Variants in GRID2 observed in about 807,000 individuals in gnomAD.
GRID2 encodes glutamate receptor ionotropic, delta-2.
In GRID2, 33 loss-of-function variants were observed where a neutral mutation model predicts 114.8. The ratio of observed to expected loss-of-function variants is 0.29; its 90% confidence interval spans 0.22 to 0.38. GRID2 has a LOEUF of 0.38. Ranked by LOEUF, GRID2 falls within the 10% of genes least tolerant of loss-of-function variation. The pLI, the probability that GRID2 is intolerant of heterozygous loss-of-function variation, is 1.00. For synonymous variants in GRID2, 505 were observed against 449.9 expected (o/e 1.12, Z -1.55); for missense variants, 1,184 against 1,257.7 (o/e 0.94, Z 0.89).
At chr4:93,183,591 C>T (rs1006552035) in intron 4 of GRID2, among the ~76,000 whole-genome samples, 2 of 152,154 alleles carry the variant, frequency 1.3e-5, no homozygotes, top group Non-Finnish European at 2.9e-5. Context: ...TACTTAATTA[C>T]TGCCAGACAT....
At chr4:92,863,441 G>C (rs1040449965) in intron 2 of GRID2, among the ~76,000 whole-genome samples, 1 of 151,968 alleles carries the variant, frequency 6.6e-6, no homozygotes, top group Non-Finnish European at 1.5e-5. Flanking sequence ...TATAAATTCA[G>C]GCAACTAGAA....
At chr4:92,535,991 A>AG (rs1725603418) in intron 1 of GRID2, among the ~76,000 whole-genome samples, 1 of 152,156 alleles carries the variant, frequency 6.6e-6, no homozygotes, top group South Asian at 2.1e-4. Flanking sequence ...TGAGTGTTAT[A>AG]GCTCATTGTT....
intron 1 of GRID2, among the ~76,000 whole-genome samples, chr4:92,401,229 T>C (rs1730774715): frequency 6.6e-6 from 1 of 152,180 alleles, no homozygotes; most frequent in Non-Finnish European, 1.5e-5. Context: ...TTAACATTTC[T>C]TTCCTCAAAG....
chr4:93,279,710 T>C (rs945871152), intron 8 of GRID2, among the ~76,000 whole-genome samples: 1 of 152,010 alleles, frequency 6.6e-6, no homozygotes, highest in African/African-American at 2.4e-5. Context: ...TTTTTTTATA[T>C]ATCTTCAGAA....
chr4:92,756,648 ATATTT>A (rs1452950067), intron 2 of GRID2, among the ~76,000 whole-genome samples: 1 of 151,910 alleles, frequency 6.6e-6, no homozygotes, highest in East Asian at 1.9e-4. Context: ...GGGTAAGATG[ATATTT>A]TATTTTGGTT....
chr4:93,111,821 C>T (rs1208097224), intron 4 of GRID2: 1 of 138,832 alleles, frequency 7.2e-6, no homozygotes, highest in African/African-American at 2.7e-5. Context: ...TATAAAGATT[C>T]CAAATTAGGA....
chr4:93,384,843 G>A (rs188000679), intron 8 of GRID2, among the ~76,000 whole-genome samples: 190 of 152,194 alleles, frequency 1.2e-3, no homozygotes, highest in African/African-American at 4.4e-3. Flanking sequence ...TATGGTTATA[G>A]CTAAGAGTTG....
intron 2 of GRID2, among the ~76,000 whole-genome samples, chr4:92,703,960 C>T (rs996499794): frequency 1.5e-4 from 23 of 152,004 alleles, no homozygotes; most frequent in Non-Finnish European, 4.4e-5. Context: ...TTAAATACTT[C>T]GTAGATGTTT....
intron 1 of GRID2, among the ~76,000 whole-genome samples, chr4:92,495,442 T>C (rs1442060109): frequency 6.6e-6 from 1 of 152,008 alleles, no homozygotes; most frequent in African/African-American, 2.4e-5. Flanking sequence ...TTTAGGTGGC[T>C]AAGAGGATCA....
chr4:92,311,633 G>T (rs534218088), intron 1 of GRID2, among the ~76,000 whole-genome samples: 2 of 152,004 alleles, frequency 1.3e-5, no homozygotes, highest in Non-Finnish European at 2.9e-5. Context: ...ATTGAGCAGA[G>T]TACCTGATTT....
intron 1 of GRID2, among the ~76,000 whole-genome samples, chr4:92,372,540 A>G (rs887652700): frequency 6.6e-6 from 1 of 152,300 alleles, no homozygotes; most frequent in East Asian, 1.9e-4. Context: ...ATTGTTTTAG[A>G]CATAATGCTA....
chr4:93,343,680 A>G (rs201009338), intron 8 of GRID2, among the ~76,000 whole-genome samples: 1 of 151,696 alleles, frequency 6.6e-6, no homozygotes, highest in Admixed American at 6.6e-5. Flanking sequence ...CATCAAAAAA[A>G]TTTTTTTAAA....
intron 9 of GRID2, among the ~76,000 whole-genome samples, chr4:93,397,053 AT>A (rs1765399231): frequency 6.6e-6 from 1 of 151,992 alleles, no homozygotes; most frequent in Non-Finnish European, 1.5e-5. Context: ...TGCTAATTGG[AT>A]GTTCATCAAA....
In GRID2 at chr4:92,367,247, T is replaced by C. The variant is rs376732045; in HGVS notation, c.88+62503T>C. On this transcript the variant is annotated intron_variant, in intron 1 of 15. Coordinates refer to ENST00000282020, the MANE Select transcript of GRID2 (RefSeq NM_001510.4). ...TTGGCAAATGGTGATCTTCTAATCC[T>C]ATAAGCCTTGCTACACATGTTAGTT... 2.6e-4 allele frequency among the ~76,000 whole-genome samples: 39 copies of C among 152,222 alleles called. No individual in the cohort carries two copies. In the East Asian group the frequency reaches 3.9e-3, roughly 15 times the overall value.
Position 93,593,444 on chromosome 4 carries a change from C to T in GRID2, c.2194-32825C>T, listed in dbSNP as rs1435592499. Among the ~76,000 whole-genome samples, 10 of 130,158 alleles carry T rather than the reference C, an allele frequency of 7.7e-5. 1 individual carries two copies. The highest frequency in any genetic ancestry group is 4.3e-4 in the East Asian group (2 of 4,660). 85.4% of individuals were successfully genotyped at this position (130,158 alleles called of 152,430 possible). On this transcript the variant is annotated intron_variant, in intron 13 of 15. Transcript: ENST00000282020. ...GATCCGCTGTTAGTCTGATGGGCTT[C>T]CCTTTGAGGGTAACCCGACCTTTCT...
At chr4:93,810,004 C>A (rs998896690) in exon 2 of GRID2, 1 of 152,332 alleles carries the variant, frequency 6.6e-6, no homozygotes, top group African/African-American at 2.4e-5. Flanking sequence ...TCAGACCAAG[C>A]ATATGAAACA....
chr4:92,950,725 A>G (rs969980472), intron 2 of GRID2, among the ~76,000 whole-genome samples: 2 of 152,176 alleles, frequency 1.3e-5, no homozygotes, highest in African/African-American at 4.8e-5. Context: ...ACTTTCCATT[A>G]TTTATATAAA....
chr4:93,254,889 G>A (rs1220035844), intron 8 of GRID2, among the ~76,000 whole-genome samples: 3 of 152,070 alleles, frequency 2.0e-5, no homozygotes, highest in Admixed American at 6.6e-5. Flanking sequence ...TCATTCCAAC[G>A]TGATTTTTAT....
chr4:92,413,216 G>A (rs1731424839), intron 1 of GRID2, among the ~76,000 whole-genome samples: 1 of 152,078 alleles, frequency 6.6e-6, no homozygotes, highest in South Asian at 2.1e-4. Context: ...TTGATAGGAG[G>A]CATGTAGCTT....
Sources: allele counts gnomAD v4.1 joint callset (sites outside exome capture counted in the v4.1 genomes callset), GRCh38; gene constraint gnomAD v4.1.1; transcripts MANE v1.5; gene names NCBI Gene and HGNC (gene_info 2026-07-23, HGNC 2026-07-21).